Variants in SUDS3 observed in about 807,000 individuals in gnomAD.
SUDS3 encodes SIN3A corepressor complex component SDS3.
SUDS3 carries 23 observed loss-of-function variants against 53.5 expected under a neutral mutation model. That is an observed-to-expected ratio of 0.43 (90% CI 0.31 to 0.61). SUDS3 has a LOEUF of 0.61. Among genes scored for constraint, SUDS3 ranks in the 20% least tolerant of loss-of-function variants. The pLI is 0.10. For synonymous variants in SUDS3, 150 were observed against 148.5 expected, an observed-to-expected ratio of 1.01 and a Z score of -0.08; for missense variants, 291 against 405.9, an observed-to-expected ratio of 0.72 and a Z score of 2.43.
rs2046381530 is a variant in SUDS3 at position 118,414,209 on chromosome 12, G to A, written c.889-126G>A. 4.2e-6 allele frequency: 3 copies of A among 712,158 alleles called. No individual in the cohort carries two copies. The South Asian group carries it at 5.8e-5, about 14-fold the overall frequency. The allele number at this position is 712,158 out of a possible 1,614,324, so 44.1% of individuals were successfully genotyped here. A position where few individuals can be genotyped will look rare whatever the true frequency, so the allele number is the denominator to read the frequency against. ...TATGAAGCCCTCACAAGTTGAGACA[G>A]TTTATTCCAGCAAGAGGCTACCAGC... On this transcript the variant is annotated intron_variant, in intron 11 of 11. Coordinates refer to ENST00000543473, the MANE Select transcript of SUDS3 (RefSeq NM_022491.3).
chr12:118,378,563 C>A (rs2046024358), intron 1 of SUDS3, among the ~76,000 whole-genome samples: 1 of 151,732 alleles, frequency 6.6e-6, no homozygotes, highest in African/African-American at 2.4e-5. Context: ...CTCACTGCAA[C>A]TTCCATCTCC....
chr12:118,386,661 A>G (rs1244743990), intron 4 of SUDS3, among the ~76,000 whole-genome samples: 1 of 152,182 alleles, frequency 6.6e-6, no homozygotes, highest in Non-Finnish European at 1.5e-5. Context: ...AGTTGTATAC[A>G]GTAAATGTAT....
At chr12:118,387,144 G>T (rs145069614) in intron 4 of SUDS3, among the ~76,000 whole-genome samples, 1 of 152,166 alleles carries the variant, frequency 6.6e-6, no homozygotes, top group Non-Finnish European at 1.5e-5. Context: ...GTGGGTGGGC[G>T]CTGAGAAAGT....
At chr12:118,404,517 T>C (rs570088082) in intron 10 of SUDS3, 3 of 152,244 alleles carry the variant, frequency 2.0e-5, no homozygotes, top group Non-Finnish European at 4.4e-5. Flanking sequence ...GCTCATACTT[T>C]TGTTCATTCA....
intron 6 of SUDS3, among the ~76,000 whole-genome samples, chr12:118,397,718 AAATAG>A (rs1186400479): frequency 8.2e-5 from 12 of 145,814 alleles, no homozygotes; most frequent in Admixed American, 7.9e-4. Context: ...CAGGCTAATA[AAATAG>A]ATTTTTTTTT....
intron 8 of SUDS3, 60 bp downstream of exon 8, chr12:118,401,880 G>T: frequency 6.2e-7 from 1 of 1,602,556 alleles, no homozygotes; most frequent in Non-Finnish European, 8.5e-7. Flanking sequence ...TTCTGATTTT[G>T]TTTGTTAACA....
intron 3 of SUDS3, among the ~76,000 whole-genome samples, chr12:118,385,266 GC>G (rs1231846956): frequency 2.6e-5 from 4 of 152,084 alleles, no homozygotes; most frequent in African/African-American, 7.2e-5. Flanking sequence ...CTGCCACCAG[GC>G]CCGGCTAATT....
intron 1 of SUDS3, among the ~76,000 whole-genome samples, chr12:118,378,657 G>T (rs1414870984): frequency 6.6e-6 from 1 of 151,224 alleles, no homozygotes; most frequent in African/African-American, 2.4e-5. Flanking sequence ...AATTTTTGTG[G>T]TTTTATTTGT....
intron 11 of SUDS3, among the ~76,000 whole-genome samples, chr12:118,413,017 C>CT (rs1225414707): frequency 6.6e-6 from 1 of 152,144 alleles, no homozygotes. Context: ...GTGGGTAGCT[C>CT]TGAGTGTGTG....
chr12:118,405,300 A>G (rs1258503586), intron 10 of SUDS3, among the ~76,000 whole-genome samples: 1 of 152,214 alleles, frequency 6.6e-6, no homozygotes, highest in Non-Finnish European at 1.5e-5. Context: ...AGTGATGTTC[A>G]TTTTGTAATT....
intron 10 of SUDS3, among the ~76,000 whole-genome samples, chr12:118,409,441 G>A (rs1593783900): frequency 6.6e-6 from 1 of 152,180 alleles, no homozygotes; most frequent in Non-Finnish European, 1.5e-5. Context: ...CACCACGCCC[G>A]GCCTAAAATT....
At chr12:118,377,432 T>G (rs1211287064) in intron 1 of SUDS3, among the ~76,000 whole-genome samples, 1 of 152,160 alleles carries the variant, frequency 6.6e-6, no homozygotes, top group Non-Finnish European at 1.5e-5. Context: ...AGAAGGCACT[T>G]CCTAGGGTCG....
At chr12:118,398,799 A>G (rs1593771280) in intron 6 of SUDS3, among the ~76,000 whole-genome samples, 2 of 152,162 alleles carry the variant, frequency 1.3e-5, no homozygotes, top group Non-Finnish European at 2.9e-5. Context: ...ACAAAACATT[A>G]TGCACCCCTA....
rs966129040 is a variant in SUDS3 at position 118,376,936 on chromosome 12, G to A, written c.142+103G>A. ...GGGCGGGGCGGCCTCCGGGGCCTGG[G>A]GCTGCGTGGAGGGGCCGCCGGGAGT... On this transcript the variant is annotated intron_variant, in intron 1 of 11. Transcript: ENST00000543473. 52 of 1,339,696 alleles carry A rather than the reference G, an allele frequency of 3.9e-5. 1 individual carries two copies. The South Asian group carries it at 8.9e-4, about 23-fold the overall frequency. The allele number at this position is 1,339,696 out of a possible 1,614,324, so 83.0% of individuals were successfully genotyped here.
Position 118,376,844 on chromosome 12 carries a change from CCGCTCGCCCGGCCGCCCG to C in SUDS3, c.142+12_142+29del. 6.6e-7 allele frequency: 1 copy of C among 1,522,422 alleles called. No individual in the cohort carries two copies. The allele number at this position is 1,522,422 out of a possible 1,614,324, so 94.3% of individuals were successfully genotyped here. A position where few individuals can be genotyped will look rare whatever the true frequency, so the allele number is the denominator to read the frequency against. ...GCGAGTCGGACGAAGGTGAGTCCTG[CCGCTCGCCCGGCCGCCCG>C]GAGCGGAGGTGGGACCGCTGGGGGA... On this transcript the variant is annotated intron_variant, in intron 1 of 11. Coordinates refer to ENST00000543473, the MANE Select transcript of SUDS3 (RefSeq NM_022491.3).
At chr12:118,409,784 G>C (rs140699578) in intron 10 of SUDS3, among the ~76,000 whole-genome samples, 1 of 152,374 alleles carries the variant, frequency 6.6e-6, no homozygotes, top group East Asian at 1.9e-4. Flanking sequence ...GCTAGCTGCA[G>C]CTCCGCTGAT....
chr12:118,389,823 C>T (rs977338329), intron 4 of SUDS3, 104 bp from the exon 5 acceptor site: 2 of 1,372,798 alleles, frequency 1.5e-6, no homozygotes, highest in African/African-American at 1.4e-5. Flanking sequence ...TGCTTTGTAA[C>T]ATGCTTTCAG....
chr12:118,413,686 C>T (rs1055413248), intron 11 of SUDS3, among the ~76,000 whole-genome samples: 2 of 152,182 alleles, frequency 1.3e-5, no homozygotes, highest in African/African-American at 4.8e-5. Context: ...AGTTCATTCT[C>T]AATTCAATGG....
At chr12:118,395,297 C>T (rs1021571900) in intron 6 of SUDS3, among the ~76,000 whole-genome samples, 1 of 146,286 alleles carries the variant, frequency 6.8e-6, no homozygotes, top group Non-Finnish European at 1.5e-5. Context: ...GCGATCTCGG[C>T]TCACTGCAAG....
Sources: gnomAD v4.1 joint callset for allele counts (sites outside exome capture counted in the v4.1 genomes callset) on GRCh38, gnomAD v4.1.1 for gene constraint, MANE v1.5 for transcripts, NCBI Gene and HGNC (gene_info 2026-07-23, HGNC 2026-07-21) for gene names.